LRRTM4: variants seen among roughly 807,000 people sequenced by gnomAD.
LRRTM4 encodes the protein leucine-rich repeat transmembrane neuronal protein 4.
A neutral mutation model predicts 47.6 loss-of-function variants in LRRTM4; 25 were observed. The observed-to-expected ratio is 0.53, with a 90% CI of 0.38 to 0.73. The LOEUF is 0.73. Ranked by LOEUF, LRRTM4 falls within the 30% of genes least tolerant of loss-of-function variation. The pLI is 0.00. For missense variants in LRRTM4, 638 were observed against 713.4 expected, an observed-to-expected ratio of 0.89 and a Z score of 1.20; for synonymous variants, 311 against 269.5, an observed-to-expected ratio of 1.15 and a Z score of -1.51.
intron 3 of LRRTM4, among the ~76,000 whole-genome samples, chr2:77,326,324 A>C (rs1355852390): frequency 6.6e-6 from 1 of 152,184 alleles, no homozygotes; most frequent in Non-Finnish European, 1.5e-5. Flanking sequence ...CTGTTATAGG[A>C]GCCTCAGGCA....
chr2:76,969,318 TTTCTG>T (rs1255915655), intron 3 of LRRTM4, among the ~76,000 whole-genome samples: 8 of 151,950 alleles, frequency 5.3e-5, no homozygotes, highest in African/African-American at 1.9e-4. Context: ...CATTTTTTAT[TTTCTG>T]TTCTTTCTGT....
intron 3 of LRRTM4, among the ~76,000 whole-genome samples, chr2:77,284,979 A>G (rs1168414505): frequency 3.3e-5 from 5 of 152,070 alleles, no homozygotes; most frequent in African/African-American, 1.2e-4. Context: ...TAAGTAGTTT[A>G]AGGATTGCAT....
At chr2:77,127,911 A>G (rs1671690426) in intron 3 of LRRTM4, among the ~76,000 whole-genome samples, 1 of 152,092 alleles carries the variant, frequency 6.6e-6, no homozygotes, top group Non-Finnish European at 1.5e-5. Flanking sequence ...TTGGGAGGCC[A>G]AGGCGGGCGG....
At chr2:77,182,638 C>T (rs922849153) in intron 3 of LRRTM4, among the ~76,000 whole-genome samples, 1 of 152,092 alleles carries the variant, frequency 6.6e-6, no homozygotes, top group East Asian at 1.9e-4. Context: ...CAAACAGGGA[C>T]AATTTGACTT....
chr2:76,776,369 C>A (rs1294803920), intron 3 of LRRTM4, among the ~76,000 whole-genome samples: 7 of 152,100 alleles, frequency 4.6e-5, no homozygotes. Context: ...TTTACAGTCC[C>A]ACCAACAGTG....
intron 3 of LRRTM4, among the ~76,000 whole-genome samples, chr2:77,173,025 A>T (rs1673098011): frequency 6.6e-6 from 1 of 152,218 alleles, no homozygotes; most frequent in African/African-American, 2.4e-5. Flanking sequence ...AAAGCAAGGG[A>T]TGCAATAATC....
chr2:76,977,548 G>A (rs1016716532), intron 3 of LRRTM4, among the ~76,000 whole-genome samples: 2 of 151,916 alleles, frequency 1.3e-5, no homozygotes, highest in Admixed American at 6.6e-5. Flanking sequence ...CCAGAAGCCT[G>A]TGATTTCCAA....
intron 3 of LRRTM4, among the ~76,000 whole-genome samples, chr2:77,450,680 G>T (rs1025413896): frequency 6.6e-6 from 1 of 151,870 alleles, no homozygotes; most frequent in Non-Finnish European, 1.5e-5. Flanking sequence ...ACTATATCTG[G>T]TTATATACTA....
intron 3 of LRRTM4, among the ~76,000 whole-genome samples, chr2:76,905,757 T>C (rs1673811170): frequency 6.6e-6 from 1 of 150,866 alleles, no homozygotes; most frequent in Non-Finnish European, 1.5e-5. Flanking sequence ...TGATGGAAGA[T>C]GAAATGAATG....
intron 3 of LRRTM4, among the ~76,000 whole-genome samples, chr2:77,130,623 T>A (rs898405554): frequency 6.6e-6 from 1 of 150,826 alleles, no homozygotes; most frequent in African/African-American, 2.4e-5. Flanking sequence ...ACCATTCTCC[T>A]GCCTCAGCCT....
chr2:77,230,423 G>A (rs565270510), intron 3 of LRRTM4, among the ~76,000 whole-genome samples: 6 of 152,048 alleles, frequency 3.9e-5, no homozygotes, highest in Non-Finnish European at 7.4e-5. Context: ...ATCTAGTAAT[G>A]TTCCAAAGGC....
At position 76,900,913 on chromosome 2, in the gene LRRTM4, T is replaced by C. The variant is rs534794705; in HGVS notation, c.1552-151997A>G. Among the ~76,000 whole-genome samples the C allele has an allele frequency of 1.5e-3, 223 of 152,352 alleles. 1 individual carries two copies. Among genetic ancestry groups the C allele is most frequent in the Non-Finnish European group, 2.3e-3 (157 of 68,038 alleles). ...ATTAGAAGTACCAAAATTTAGAATTTTGAAAGACCTAAAAATACGCCAATG... is the reference window on the plus strand; with the variant it reads ...ATTAGAAGTACCAAAATTTAGAATTCTGAAAGACCTAAAAATACGCCAATG... On this transcript the variant is annotated intron_variant, in intron 3 of 3. Coordinates refer to ENST00000409884, the MANE Select transcript of LRRTM4 (RefSeq NM_001134745.3).
chr2:77,209,432 A>C (rs1403974347), intron 3 of LRRTM4, among the ~76,000 whole-genome samples: 1 of 152,052 alleles, frequency 6.6e-6, no homozygotes. Context: ...GTAAGAAAAA[A>C]AAAAAAACAA....
At chr2:76,936,728 G>A (rs1674963947) in intron 3 of LRRTM4, among the ~76,000 whole-genome samples, 2 of 151,474 alleles carry the variant, frequency 1.3e-5, no homozygotes, top group African/African-American at 4.8e-5. Flanking sequence ...GCCAAGGCAG[G>A]TGGATCACCT....
rs567942221 is a variant in LRRTM4 at position 76,969,886 on chromosome 2, G to A, written c.1552-220970C>T. ...AGAAATGGCGGATTAGAGACAATTC[G>A]TAATTGACACAAAATCTCAAATCTA... On this transcript the variant is annotated intron_variant, in intron 3 of 3. Transcript: ENST00000409884. 5.3e-5 allele frequency among the ~76,000 whole-genome samples: 8 copies of A among 152,002 alleles called. No homozygotes were observed. In the South Asian group the frequency reaches 8.3e-4, roughly 16 times the overall value.
intron 3 of LRRTM4, among the ~76,000 whole-genome samples, chr2:77,484,734 A>C (rs1573478406): frequency 6.6e-6 from 1 of 152,206 alleles, no homozygotes; most frequent in Non-Finnish European, 1.5e-5. Context: ...TGATTAAATA[A>C]AAATGCTTAA....
chr2:77,104,499 A>T (rs1671040044), intron 3 of LRRTM4, among the ~76,000 whole-genome samples: 1 of 152,204 alleles, frequency 6.6e-6, no homozygotes, highest in South Asian at 2.1e-4. Flanking sequence ...CCTTTAGGAC[A>T]ACTAGGAGAG....
At chr2:77,085,887 C>A (rs1680693519) in intron 3 of LRRTM4, among the ~76,000 whole-genome samples, 1 of 152,036 alleles carries the variant, frequency 6.6e-6, no homozygotes, top group Non-Finnish European at 1.5e-5. Context: ...TCCTGTTGGC[C>A]TATTTCTAGC....
At chr2:76,922,635 A>G (rs1674468242) in intron 3 of LRRTM4, among the ~76,000 whole-genome samples, 1 of 152,148 alleles carries the variant, frequency 6.6e-6, no homozygotes, top group Non-Finnish European at 1.5e-5. Flanking sequence ...TAAAGCAAGT[A>G]AAGAGATGTT....
Sources: gnomAD v4.1 joint callset for allele counts (sites outside exome capture counted in the v4.1 genomes callset) on GRCh38, gnomAD v4.1.1 for gene constraint, MANE v1.5 for transcripts, NCBI Gene and HGNC (gene_info 2026-07-23, HGNC 2026-07-21) for gene names.